The following GPC3 variants were observed in gnomAD, a reference collection of about 807,000 sequenced individuals.
The protein encoded by GPC3 is glypican-3.
Under a neutral mutation model 34.4 loss-of-function variants are expected in GPC3, and 3 were observed. That is an observed-to-expected ratio of 0.09 (90% CI 0.04 to 0.23). GPC3 has a LOEUF of 0.23. Among genes scored for constraint, GPC3 ranks in the 10% least tolerant of loss-of-function variants. The probability of loss-of-function intolerance (pLI) is 1.00; values close to 1 mark genes in which losing one functional copy is unlikely to be tolerated. For missense variants in GPC3, 351 were observed against 445.6 expected (o/e 0.79, Z 1.91); for synonymous variants, 177 against 174.0 (o/e 1.02, Z -0.13).
chrX:133,924,553 C>G (rs1249196120), intron 2 of GPC3, among the ~76,000 whole-genome samples: 1 of 111,702 alleles, frequency 9.0e-6, no homozygotes, highest in Non-Finnish European at 1.9e-5. Flanking sequence ...GACTTGAAAT[C>G]GCCCCCAACA....
chrX:133,843,927 C>T (rs1486728642), intron 2 of GPC3, among the ~76,000 whole-genome samples: 5 of 111,938 alleles, frequency 4.5e-5, no homozygotes, highest in East Asian at 2.8e-4. Context: ...GGAATCTTTC[C>T]TTAGCTTATA....
At chrX:133,632,577 AATAG>A (rs761888545) in intron 6 of GPC3, among the ~76,000 whole-genome samples, 3 of 112,261 alleles carry the variant, frequency 2.7e-5, no homozygotes, top group Non-Finnish European at 3.8e-5. Context: ...TGGATAGCTA[AATAG>A]ATAGATAGTC....
intron 2 of GPC3, among the ~76,000 whole-genome samples, chrX:133,783,335 T>C (rs1261498455): frequency 1.8e-5 from 2 of 112,032 alleles, no homozygotes; most frequent in African/African-American, 3.2e-5. Flanking sequence ...GGAAAGTGTG[T>C]TTTACAGGGC....
intron 7 of GPC3, among the ~76,000 whole-genome samples, chrX:133,568,116 A>G (rs980226932): frequency 8.9e-6 from 1 of 112,307 alleles, no homozygotes; most frequent in Admixed American, 9.4e-5. Flanking sequence ...AGCACCAAGC[A>G]CAAAATTTGC....
chrX:133,784,773 T>G (rs1253217429), intron 2 of GPC3, among the ~76,000 whole-genome samples: 1 of 112,300 alleles, frequency 8.9e-6, no homozygotes, highest in Non-Finnish European at 1.9e-5. Context: ...TTTTGACATA[T>G]TCACAAAGAT....
chrX:133,705,278 C>A (rs2124441954), intron 3 of GPC3, among the ~76,000 whole-genome samples: 1 of 109,798 alleles, frequency 9.1e-6, no homozygotes, highest in Non-Finnish European at 1.9e-5. Context: ...CGGCTCAATG[C>A]AGCCTTGATC....
chrX:133,570,428 C>T (rs1460794752), intron 7 of GPC3, among the ~76,000 whole-genome samples: 5 of 110,519 alleles, frequency 4.5e-5, no homozygotes, highest in South Asian at 3.9e-4. Context: ...CTCAAACTCC[C>T]GACCTCAGGT....
intron 2 of GPC3, among the ~76,000 whole-genome samples, chrX:133,784,210 T>C (rs2072080293): frequency 8.9e-6 from 1 of 112,037 alleles, no homozygotes; most frequent in South Asian, 3.7e-4. Flanking sequence ...TGGGGCGCTT[T>C]AAATGATTCT....
chrX:133,581,593 A>C (rs746260966), intron 7 of GPC3, among the ~76,000 whole-genome samples: 1 of 112,342 alleles, frequency 8.9e-6, no homozygotes, highest in Non-Finnish European at 1.9e-5. Context: ...CTTCATTATA[A>C]ATTTTATTTA....
intron 3 of GPC3, among the ~76,000 whole-genome samples, chrX:133,744,517 T>C (rs970289370): frequency 8.9e-6 from 1 of 112,231 alleles, no homozygotes; most frequent in Non-Finnish European, 1.9e-5. Context: ...AAACAACAGA[T>C]GCTGGAGAGG....
Position 133,570,093 on chromosome X carries a change from G to A in GPC3, c.1573+26347C>T, listed in dbSNP as rs183851259. The stretch of plus-strand genomic sequence containing the variant: ...TTTTTAGTAGAGACGGGGTTTCACC[G>A]TGTTAGTCAGGATGGTCTCGATCTC... On this transcript the variant is annotated intron_variant, in intron 7 of 7. Coordinates refer to ENST00000370818, the MANE Select transcript of GPC3 (RefSeq NM_004484.4). Among the ~76,000 whole-genome samples the A allele has an allele frequency of 4.4e-3, 484 of 110,789 alleles. 8 individuals are homozygous for A. Among genetic ancestry groups the A allele is most frequent in the African/African-American group, 0.015 (466 of 30,452 alleles).
intron 2 of GPC3, among the ~76,000 whole-genome samples, chrX:133,884,777 A>C (rs1347353850): frequency 2.7e-5 from 3 of 112,006 alleles, no homozygotes; most frequent in Non-Finnish European, 5.6e-5. Flanking sequence ...TGACAGTCCA[A>C]TCAATGTTCA....
chrX:133,621,508 C>T (rs923248803), intron 6 of GPC3, among the ~76,000 whole-genome samples: 2 of 112,191 alleles, frequency 1.8e-5, no homozygotes, highest in Non-Finnish European at 3.8e-5. Flanking sequence ...GATTATATCC[C>T]GCGCCTGGCT....
chrX:133,694,957 A>G (rs1355004616), intron 4 of GPC3, among the ~76,000 whole-genome samples: 2 of 111,576 alleles, frequency 1.8e-5, no homozygotes, highest in East Asian at 5.7e-4. Flanking sequence ...GGGTCAAGAT[A>G]AAAGTCTAAG....
intron 1 of GPC3, among the ~76,000 whole-genome samples, chrX:133,953,519 G>A (rs1445051328): frequency 9.0e-6 from 1 of 111,246 alleles, no homozygotes; most frequent in East Asian, 2.8e-4. Flanking sequence ...ACTGAACACC[G>A]ATATTTAGTT....
chrX:133,860,008 A>G (rs1170581050), intron 2 of GPC3, among the ~76,000 whole-genome samples: 1 of 110,696 alleles, frequency 9.0e-6, no homozygotes, highest in Non-Finnish European at 1.9e-5. Context: ...TCAGTTCTGG[A>G]AACTAACAGA....
chrX:133,925,725 C>A (rs1022329573), intron 2 of GPC3, among the ~76,000 whole-genome samples: 2 of 111,807 alleles, frequency 1.8e-5, no homozygotes, highest in African/African-American at 6.5e-5. Flanking sequence ...CCATGAGTGG[C>A]TGTTAAATTG....
intron 6 of GPC3, among the ~76,000 whole-genome samples, chrX:133,636,350 A>T (rs5977901): frequency 9.0e-6 from 1 of 110,896 alleles, no homozygotes; most frequent in Admixed American, 9.6e-5. Flanking sequence ...GGCCAAGGAG[A>T]TCAGGGCAAA....
intron 1 of GPC3, among the ~76,000 whole-genome samples, chrX:133,981,890 G>T (rs1451283233): frequency 8.9e-6 from 1 of 112,011 alleles, no homozygotes; most frequent in Non-Finnish European, 1.9e-5. Flanking sequence ...CTTCTGGATT[G>T]GTTCTCGCAC....
Sources: gnomAD v4.1 joint callset for allele counts (sites outside exome capture counted in the v4.1 genomes callset) on GRCh38, gnomAD v4.1.1 for gene constraint, MANE v1.5 for transcripts, NCBI Gene and HGNC (gene_info 2026-07-23, HGNC 2026-07-21) for gene names.